Variants in CCDC3 observed in about 807,000 individuals in gnomAD.
The protein encoded by CCDC3 is coiled-coil domain containing 3, also known as coiled-coil domain-containing protein 3.
CCDC3 carries 24 observed loss-of-function variants against 21.4 expected under a neutral mutation model. The observed-to-expected ratio is 1.12, with a 90% confidence interval of 0.81 to 1.58. The LOEUF (loss-of-function observed/expected upper bound fraction) is 1.58. Ranked by LOEUF, CCDC3 falls within the 40% of genes most tolerant of loss-of-function variation. The pLI, the probability that CCDC3 is intolerant of heterozygous loss-of-function variation, is 0.00. For missense variants in CCDC3, 425 were observed against 360.9 expected, an observed-to-expected ratio of 1.18 and a Z score of -1.44; for synonymous variants, 186 against 166.0, an observed-to-expected ratio of 1.12 and a Z score of -0.93.
chr10:12,983,574 G>GAA (rs552370690), intron 2 of CCDC3, among the ~76,000 whole-genome samples: 14 of 71,430 alleles, frequency 2.0e-4, no homozygotes, highest in African/African-American at 6.7e-4. Flanking sequence ...CCTCTCTCAA[G>GAA]AAAAAAAAAA....
At chr10:12,976,828 G>GAA (rs34904027) in intron 2 of CCDC3, among the ~76,000 whole-genome samples, 85 of 151,882 alleles carry the variant, frequency 5.6e-4, no homozygotes, top group African/African-American at 1.9e-3. Flanking sequence ...ACAATACCAA[G>GAA]AGTGAACCCT....
chr10:12,935,304 C>G (rs1412383708), intron 2 of CCDC3, among the ~76,000 whole-genome samples: 9 of 151,964 alleles, frequency 5.9e-5, no homozygotes, highest in Non-Finnish European at 1.0e-4. Flanking sequence ...CTGCAACCTC[C>G]ATCTCCTGGG....
At chr10:12,999,969 C>G (rs1436647553) in intron 1 of CCDC3, among the ~76,000 whole-genome samples, 1 of 152,202 alleles carries the variant, frequency 6.6e-6, no homozygotes, top group Non-Finnish European at 1.5e-5. Flanking sequence ...CTGAACCACT[C>G]AAGCCAACAC....
intron 5 of CCDC3, among the ~76,000 whole-genome samples, chr10:13,033,602 G>C (rs1229800393): frequency 1.3e-5 from 2 of 152,044 alleles, no homozygotes; most frequent in African/African-American, 2.4e-5. Context: ...TCTGACAAAG[G>C]CCTAATATCC....
intron 4 of CCDC3, among the ~76,000 whole-genome samples, chr10:13,056,279 G>C (rs1409993398): frequency 6.6e-6 from 1 of 152,200 alleles, no homozygotes; most frequent in Non-Finnish European, 1.5e-5. Flanking sequence ...GGAGGGCAAA[G>C]AGCGTGTGAG....
At chr10:13,059,860 AG>A (rs1836732536) in intron 4 of CCDC3, among the ~76,000 whole-genome samples, 1 of 152,030 alleles carries the variant, frequency 6.6e-6, no homozygotes, top group African/African-American at 2.4e-5. Context: ...GAGGCCGAGG[AG>A]GGCGGATCAT....
intron 2 of CCDC3, among the ~76,000 whole-genome samples, chr10:12,966,969 G>A (rs1172455799): frequency 6.6e-6 from 1 of 152,172 alleles, no homozygotes; most frequent in Non-Finnish European, 1.5e-5. Context: ...ACTGTCCAGG[G>A]TAACAGCCTG....
intron 2 of CCDC3, among the ~76,000 whole-genome samples, chr10:12,963,025 G>A (rs374403833): frequency 1.3e-5 from 2 of 152,170 alleles, no homozygotes; most frequent in African/African-American, 4.8e-5. Flanking sequence ...AAAAGTAATG[G>A]GATCTATGCT....
intron 2 of CCDC3, among the ~76,000 whole-genome samples, chr10:12,904,056 T>G (rs1834132290): frequency 6.6e-6 from 1 of 152,208 alleles, no homozygotes; most frequent in Non-Finnish European, 1.5e-5. Context: ...CTTTTCATTT[T>G]ATCATGATTC....
chr10:12,911,601 T>C (rs1834271783), intron 2 of CCDC3, among the ~76,000 whole-genome samples: 1 of 152,254 alleles, frequency 6.6e-6, no homozygotes, highest in South Asian at 2.1e-4. Flanking sequence ...TACAACGTGA[T>C]CTGAAATATG....
At chr10:13,019,484 C>G (rs1836117907) in intron 5 of CCDC3, among the ~76,000 whole-genome samples, 1 of 147,420 alleles carries the variant, frequency 6.8e-6, no homozygotes, top group Non-Finnish European at 1.5e-5. Flanking sequence ...ATTTACTGAT[C>G]TTTCCGTCTG....
intron 2 of CCDC3, among the ~76,000 whole-genome samples, chr10:12,985,242 A>G (rs1835569597): frequency 6.6e-6 from 1 of 152,244 alleles, no homozygotes; most frequent in African/African-American, 2.4e-5. Flanking sequence ...CTGCACACCT[A>G]TCAAAACAGC....
At position 13,001,267 on chromosome 10, in the gene CCDC3, T is replaced by G; in HGVS notation, c.304A>C (p.Thr102Pro). The G allele has an allele frequency of 6.2e-7, 1 of 1,600,154 alleles. No homozygotes were observed. The highest frequency in any genetic ancestry group is 1.3e-5 in the African/African-American group (1 of 74,868). Residue 102 changes from threonine (T) to proline (P), a missense_variant, in exon 1 of 3, where the codon ACC becomes CCC. Physicochemically the swap from Thr to Pro is conservative, Grantham distance 38 (BLOSUM62 -1). Coordinates refer to ENST00000378825, the MANE Select transcript of CCDC3 (RefSeq NM_031455.4). The stretch of plus-strand genomic sequence containing the variant: ...TGGCACGAGAAGTAGCCCAGGCCGG[T>G]GAGGTTGAGCCTGGAGCCGGCGGGC... ...EVPAGSRLNLTGLGYFSCHSH... is the reference protein window; with the variant it reads ...EVPAGSRLNLPGLGYFSCHSH...
intron 2 of CCDC3, among the ~76,000 whole-genome samples, chr10:12,963,501 A>C (rs1189821205): frequency 2.0e-5 from 3 of 151,888 alleles, no homozygotes; most frequent in African/African-American, 4.8e-5. Flanking sequence ...TGTTCCTCAT[A>C]ATGATCCTAT....
intron 2 of CCDC3, among the ~76,000 whole-genome samples, chr10:12,922,026 G>C (rs758244821): frequency 2.6e-5 from 4 of 152,318 alleles, no homozygotes; most frequent in Non-Finnish European, 5.9e-5. Flanking sequence ...CATTGTGCCT[G>C]ACCCTATCTT....
Position 12,935,500 on chromosome 10 carries a change from A to T in CCDC3, c.550-36821T>A, listed in dbSNP as rs115996311. Among the ~76,000 whole-genome samples the T allele has an allele frequency of 5.5e-3, 838 of 152,260 alleles. 10 individuals carry two copies. The highest frequency in any genetic ancestry group is 0.019 in the African/African-American group (797 of 41,530). On this transcript the variant is annotated intron_variant, in intron 2 of 2. Coordinates refer to ENST00000378825, the MANE Select transcript of CCDC3 (RefSeq NM_031455.4). ...TATTTCATATCGGTTACTGTTTTCTATTCATTACCCTGGTTCTCTATTCCT... is the reference window on the plus strand; with the variant it reads ...TATTTCATATCGGTTACTGTTTTCTTTTCATTACCCTGGTTCTCTATTCCT...
chr10:12,963,827 C>T (rs1835216489), intron 2 of CCDC3, among the ~76,000 whole-genome samples: 2 of 152,020 alleles, frequency 1.3e-5, no homozygotes. Context: ...AAGTGATCCA[C>T]CCAGCTCAGC....
chr10:12,917,392 T>G (rs530534020), intron 2 of CCDC3, among the ~76,000 whole-genome samples: 63 of 152,040 alleles, frequency 4.1e-4, no homozygotes, highest in Non-Finnish European at 7.7e-4. Context: ...GAGACGGGGT[T>G]TCACCGTGTT....
At chr10:13,071,566 G>A (rs372607965) in intron 4 of CCDC3, among the ~76,000 whole-genome samples, 5 of 152,184 alleles carry the variant, frequency 3.3e-5, no homozygotes, top group South Asian at 2.1e-4. Context: ...GGGTAAGAGC[G>A]GATATTCCCA....
Sources: gnomAD v4.1 joint callset for allele counts (sites outside exome capture counted in the v4.1 genomes callset) on GRCh38, gnomAD v4.1.1 for gene constraint, MANE v1.5 for transcripts, NCBI Gene and HGNC (gene_info 2026-07-23, HGNC 2026-07-21) for gene names.